Variants in FOXP1 observed in about 807,000 individuals in gnomAD.
FOXP1 encodes forkhead box P1.
A neutral mutation model predicts 98.2 loss-of-function variants in FOXP1; 15 were observed. The observed-to-expected ratio is 0.15, with a 90% CI of 0.10 to 0.24. The LOEUF is 0.24. Among genes scored for constraint, FOXP1 ranks in the 10% least tolerant of loss-of-function variants. The pLI is 1.00. For synonymous variants in FOXP1, 371 were observed against 314.5 expected (o/e 1.18, Z -1.90); for missense variants, 633 against 848.5 (o/e 0.75, Z 3.15).
At chr3:71,302,377 C>T (rs1463508438) in intron 4 of FOXP1, among the ~76,000 whole-genome samples, 2 of 152,062 alleles carry the variant, frequency 1.3e-5, no homozygotes, top group Non-Finnish European at 2.9e-5. Context: ...AAGCATACAA[C>T]TTCCCTTTCC....
At chr3:71,476,573 C>T (rs1465782222) in intron 3 of FOXP1, among the ~76,000 whole-genome samples, 1 of 152,050 alleles carries the variant, frequency 6.6e-6, no homozygotes, top group African/African-American at 2.4e-5. Flanking sequence ...TCACTGCAAC[C>T]TCCACCTCCC....
intron 19 of FOXP1, among the ~76,000 whole-genome samples, chr3:70,967,720 T>TTTTTTTTTTG (rs2035246261): frequency 7.0e-6 from 1 of 143,500 alleles, no homozygotes; most frequent in African/African-American, 2.6e-5. Context: ...GTTTTTTTTT[T>TTTTTTTTTTG]TTTTTTTTGC....
chr3:71,381,063 T>A (rs377640356), intron 3 of FOXP1, among the ~76,000 whole-genome samples: 4 of 152,206 alleles, frequency 2.6e-5, no homozygotes, highest in African/African-American at 7.2e-5. Flanking sequence ...TGCACAACAT[T>A]TGACCTGGTC....
intron 5 of FOXP1, among the ~76,000 whole-genome samples, chr3:71,266,642 A>G (rs1379935713): frequency 6.6e-6 from 1 of 152,212 alleles, no homozygotes. Flanking sequence ...GATTTATTGC[A>G]TAATGCTGAA....
At chr3:71,474,042 T>C (rs1030067142) in intron 3 of FOXP1, among the ~76,000 whole-genome samples, 2 of 152,042 alleles carry the variant, frequency 1.3e-5, no homozygotes, top group African/African-American at 2.4e-5. Flanking sequence ...AATATGAAAA[T>C]AGTTACGTTA....
chr3:71,358,588 T>A (rs1452103400), intron 4 of FOXP1, among the ~76,000 whole-genome samples: 1 of 152,196 alleles, frequency 6.6e-6, no homozygotes, highest in African/African-American at 2.4e-5. Context: ...AGGTATATAT[T>A]TTTTATTCCT....
At chr3:71,266,322 T>G (rs1418281405) in intron 5 of FOXP1, among the ~76,000 whole-genome samples, 1 of 152,154 alleles carries the variant, frequency 6.6e-6, no homozygotes, top group African/African-American at 2.4e-5. Flanking sequence ...TGATCTCAGC[T>G]CACTGCAACC....
intron 6 of FOXP1, among the ~76,000 whole-genome samples, chr3:71,133,822 ATG>A (rs10675924): frequency 4.0e-5 from 6 of 151,434 alleles, no homozygotes; most frequent in African/African-American, 1.2e-4. Context: ...TACCCCGAAT[ATG>A]TGTGTGTGTG....
At chr3:71,112,509 C>T in intron 7 of FOXP1, 27 bp downstream of exon 7, 1 of 1,544,570 alleles carries the variant, frequency 6.5e-7, no homozygotes, top group Non-Finnish European at 9.0e-7. Context: ...GGTATAATGT[C>T]AATTTAAAAA....
At chr3:71,009,237 A>G (rs1336748361) in intron 12 of FOXP1, among the ~76,000 whole-genome samples, 2 of 149,336 alleles carry the variant, frequency 1.3e-5, no homozygotes, top group Non-Finnish European at 3.0e-5. Context: ...CCAAGCTAAC[A>G]TAACCCTGGA....
rs1175509162 is a variant in FOXP1 at position 71,017,007 on chromosome 3, T to TA, written c.870-1355dup. On this transcript the variant is annotated intron_variant, in intron 11 of 20. Transcript: ENST00000649528. ...CTACCACAGAAAATAGGTCTTAGAA[T>TA]AAAAAAAAAGGAAAAGAAAAAGAAA... Among the ~76,000 whole-genome samples, 51 of 133,036 alleles carry TA rather than the reference T, an allele frequency of 3.8e-4. 1 individual carries two copies. The highest frequency in any genetic ancestry group is 5.9e-4 in the Non-Finnish European group (36 of 60,644). The allele number at this position is 133,036 out of a possible 152,430, so 87.3% of individuals were successfully genotyped here.
intron 3 of FOXP1, among the ~76,000 whole-genome samples, chr3:71,394,670 C>A (rs907556847): frequency 1.3e-5 from 2 of 152,150 alleles, no homozygotes; most frequent in South Asian, 2.1e-4. Flanking sequence ...ATTATACCGA[C>A]CCTTGTGTCA....
At chr3:70,992,971 C>A (rs1212768468) in intron 13 of FOXP1, among the ~76,000 whole-genome samples, 1 of 152,064 alleles carries the variant, frequency 6.6e-6, no homozygotes, top group East Asian at 1.9e-4. Context: ...CTCTGTGAGG[C>A]CGCTAGTATA....
At chr3:71,233,688 A>C (rs1465267234) in intron 5 of FOXP1, among the ~76,000 whole-genome samples, 2 of 141,368 alleles carry the variant, frequency 1.4e-5, no homozygotes, top group Admixed American at 7.4e-5. Context: ...TCGGCCTCGC[A>C]CCCCCCCAGC....
At position 71,324,095 on chromosome 3, in the gene FOXP1, T is replaced by C. The variant is rs564276771; in HGVS notation, c.-72-24215A>G. Among the ~76,000 whole-genome samples the C allele has an allele frequency of 1.9e-4, 29 of 152,032 alleles. No individual in the cohort carries two copies. In the South Asian group the frequency reaches 4.6e-3, roughly 24 times the overall value. ...ACATTAAATATATAAAATTATATAT[T>C]TATAATTCATACTCTATGTTCCTGA... On this transcript the variant is annotated intron_variant, in intron 4 of 20. Coordinates refer to ENST00000649528, the MANE Select transcript of FOXP1 (RefSeq NM_001349338.3).
At chr3:71,133,574 G>T (rs1056251747) in intron 6 of FOXP1, among the ~76,000 whole-genome samples, 3 of 152,088 alleles carry the variant, frequency 2.0e-5, no homozygotes, top group African/African-American at 4.8e-5. Context: ...AGAACAACAC[G>T]GAATGTTTAC....
chr3:71,356,973 G>C (rs1435744507), intron 4 of FOXP1, among the ~76,000 whole-genome samples: 1 of 152,190 alleles, frequency 6.6e-6, no homozygotes, highest in African/African-American at 2.4e-5. Flanking sequence ...AATTTGGACA[G>C]GAGTGGCTTA....
At chr3:71,353,860 A>G (rs2077964262) in intron 4 of FOXP1, among the ~76,000 whole-genome samples, 1 of 152,226 alleles carries the variant, frequency 6.6e-6, no homozygotes, top group South Asian at 2.1e-4. Flanking sequence ...ATAATAGATC[A>G]TCTTCTTCAA....
At chr3:71,036,596 A>G (rs772865710) in intron 11 of FOXP1, among the ~76,000 whole-genome samples, 1 of 152,248 alleles carries the variant, frequency 6.6e-6, no homozygotes, top group African/African-American at 2.4e-5. Context: ...AATAAAAAGC[A>G]TATGATGTGT....
Sources: allele counts gnomAD v4.1 joint callset (sites outside exome capture counted in the v4.1 genomes callset), GRCh38; gene constraint gnomAD v4.1.1; transcripts MANE v1.5; gene names NCBI Gene and HGNC (gene_info 2026-07-23, HGNC 2026-07-21).